TUSC3: variants seen among roughly 807,000 people sequenced by gnomAD.
TUSC3 encodes the protein tumor suppressor candidate 3.
Under a neutral mutation model 44.8 loss-of-function variants are expected in TUSC3, and 45 were observed. The ratio of observed to expected loss-of-function variants is 1.00; its 90% CI spans 0.79 to 1.29. The LOEUF is 1.29. Ranked by LOEUF, TUSC3 falls within the 50% of genes most tolerant of loss-of-function variation. The probability of loss-of-function intolerance (pLI) is 0.00; values close to 1 mark genes in which losing one functional copy is unlikely to be tolerated. For synonymous variants in TUSC3, 212 were observed against 152.9 expected, an observed-to-expected ratio of 1.39 and a Z score of -2.85; for missense variants, 519 against 437.9, an observed-to-expected ratio of 1.19 and a Z score of -1.65.
intron 1 of TUSC3, among the ~76,000 whole-genome samples, chr8:15,443,075 T>G (rs1800041563): frequency 6.6e-6 from 1 of 152,170 alleles, no homozygotes; most frequent in Non-Finnish European, 1.5e-5. Context: ...ATCTTCAGAG[T>G]TCAGCTCAGT....
chr8:15,813,580 GAATA>G, the TUSC3 span, among the ~76,000 whole-genome samples: 1 of 152,012 alleles, frequency 6.6e-6, no homozygotes, highest in African/African-American at 2.4e-5. Context: ...TTTTATTCTA[GAATA>G]AAAATGATAA....
chr8:15,819,270 C>T, the TUSC3 span, among the ~76,000 whole-genome samples: 1 of 152,188 alleles, frequency 6.6e-6, no homozygotes, highest in South Asian at 2.1e-4. Flanking sequence ...CCATTGTGCA[C>T]CATTTAACAT....
chr8:15,812,482 CTT>C, the TUSC3 span, among the ~76,000 whole-genome samples: 1,404 of 152,266 alleles, frequency 9.2e-3, 22 homozygotes, highest in African/African-American at 0.032. Flanking sequence ...TAGATATACA[CTT>C]GTTACTGCTG....
intron 2 of TUSC3, among the ~76,000 whole-genome samples, chr8:15,640,475 A>G (rs186706569): frequency 1.1e-3 from 172 of 152,340 alleles, no homozygotes; most frequent in Non-Finnish European, 2.1e-3. Context: ...GACGCCCAAC[A>G]CACAACCTTT....
intron 5 of TUSC3, among the ~76,000 whole-genome samples, chr8:15,668,294 T>G (rs75502895): frequency 0.074 from 11,256 of 151,790 alleles, 542 homozygotes; most frequent in East Asian, 0.17. Flanking sequence ...TGGCTGGGAC[T>G]AGTACATTTT....
At chr8:15,651,107 C>G in intron 3 of TUSC3, 1 of 321,852 alleles carries the variant, frequency 3.1e-6, no homozygotes, top group East Asian at 7.3e-5. Context: ...TATGGCTAAA[C>G]TTATTTTTAT....
At chr8:15,751,638 AT>A (rs1401188589) in intron 9 of TUSC3, among the ~76,000 whole-genome samples, 1 of 151,896 alleles carries the variant, frequency 6.6e-6, no homozygotes, top group Non-Finnish European at 1.5e-5. Context: ...ATGTAAATTA[AT>A]TGTCTGTTTC....
intron 1 of TUSC3, among the ~76,000 whole-genome samples, chr8:15,568,280 A>G (rs1802748939): frequency 6.6e-6 from 1 of 152,198 alleles, no homozygotes; most frequent in African/African-American, 2.4e-5. Context: ...AGATTTAAGC[A>G]CTAGCTCTGT....
intron 1 of TUSC3, among the ~76,000 whole-genome samples, chr8:15,455,002 G>A (rs1416131707): frequency 6.6e-6 from 1 of 152,128 alleles, no homozygotes; most frequent in African/African-American, 2.4e-5. Flanking sequence ...AGAAAACCAT[G>A]GGGAATCTTA....
rs182255567 is a variant in TUSC3, at chr8:15,483,748, C to T, written n.189+265C>T. ...TCGGCTCACTGCAAACTCCGCCTCC[C>T]GAGTTCATGCCATTCTCCTGCCTCA... On this transcript the variant is annotated intron_variant and non_coding_transcript_variant, in intron 2 of 5. Coordinates refer to the TUSC3 transcript ENST00000503191. Among the ~76,000 whole-genome samples, 471 of 149,832 alleles carry T rather than the reference C, an allele frequency of 3.1e-3. 1 individual carries two copies. The highest frequency in any genetic ancestry group is 0.011 in the African/African-American group (429 of 40,532).
At chr8:15,565,017 G>T (rs1802611696) in intron 1 of TUSC3, among the ~76,000 whole-genome samples, 1 of 152,122 alleles carries the variant, frequency 6.6e-6, no homozygotes, top group Admixed American at 6.6e-5. Context: ...TTGTATTGTT[G>T]CTGTAACAAA....
chr8:15,714,018 C>T (rs570670027), intron 6 of TUSC3, among the ~76,000 whole-genome samples: 38 of 152,236 alleles, frequency 2.5e-4, no homozygotes, highest in African/African-American at 5.5e-4. Context: ...AGTGAAAGTG[C>T]GCCTTGAAGG....
In TUSC3 at chr8:15,573,198, CTCTCTATATA is replaced by C. The variant is rs1357564902; in HGVS notation, c.138+32632_138+32641del. Among the ~76,000 whole-genome samples, 514 of 101,506 alleles carry C rather than the reference CTCTCTATATA, an allele frequency of 5.1e-3. 1 individual carries two copies. Among genetic ancestry groups the C allele is most frequent in the Admixed American group, 8.1e-3 (77 of 9,486 alleles). The allele number at this position is 101,506 out of a possible 152,430, so 66.6% of individuals were successfully genotyped here. A position where few individuals can be genotyped will look rare whatever the true frequency, so the allele number is the denominator to read the frequency against. On this transcript the variant is annotated intron_variant, in intron 1 of 10. Transcript: ENST00000503731. The stretch of plus-strand genomic sequence containing the variant: ...TCTCTCTCTCTCTCTCTCTCTCTCT[CTCTCTATATA>C]TATATATATATATATATATATAAAA...
At chr8:15,771,866 A>G in the TUSC3 span, among the ~76,000 whole-genome samples, 1 of 152,144 alleles carries the variant, frequency 6.6e-6, no homozygotes, top group Admixed American at 6.5e-5. Context: ...AGACAGGCGG[A>G]TCACAAGGTC....
chr8:15,555,164 G>A lies in TUSC3; in HGVS notation c.138+14596G>A, dbSNP rs1267283171. On this transcript the variant is annotated intron_variant, in intron 1 of 10. Coordinates refer to ENST00000503731, the MANE Select transcript of TUSC3 (RefSeq NM_006765.4). ...CTTTTTTTTTTTTTTTTTTTTTTTG[G>A]GGGGGACGAGATCTTACTCTGTTGT... Among the ~76,000 whole-genome samples the A allele has an allele frequency of 1.3e-4, 14 of 110,054 alleles. 1 individual carries two copies. The highest frequency in any genetic ancestry group is 2.1e-4 in the Non-Finnish European group (11 of 53,434). The allele number at this position is 110,054 out of a possible 152,430, so 72.2% of individuals were successfully genotyped here.
chr8:15,646,430 T>G (rs1189192264), intron 2 of TUSC3, among the ~76,000 whole-genome samples: 2 of 152,098 alleles, frequency 1.3e-5, no homozygotes, highest in Admixed American at 1.3e-4. Flanking sequence ...ATCTACAAAT[T>G]GGTTATTGGG....
chr8:15,838,999 G>A, the TUSC3 span, among the ~76,000 whole-genome samples: 1 of 152,136 alleles, frequency 6.6e-6, no homozygotes, highest in Non-Finnish European at 1.5e-5. Flanking sequence ...AACATGGAAT[G>A]TTCTTCCACT....
chr8:15,817,001 A>G, the TUSC3 span, among the ~76,000 whole-genome samples: 32 of 152,238 alleles, frequency 2.1e-4, no homozygotes, highest in Admixed American at 4.6e-4. Flanking sequence ...TGAAGGCCAG[A>G]AACTGAAGTT....
chr8:15,600,602 G>C (rs907373620), intron 1 of TUSC3, among the ~76,000 whole-genome samples: 3 of 151,598 alleles, frequency 2.0e-5, no homozygotes, highest in African/African-American at 7.3e-5. Flanking sequence ...AATTGGATGG[G>C]AGATAGGGGA....
Sources: gnomAD v4.1 joint callset for allele counts (sites outside exome capture counted in the v4.1 genomes callset) on GRCh38, gnomAD v4.1.1 for gene constraint, MANE v1.5 for transcripts, NCBI Gene and HGNC (gene_info 2026-07-23, HGNC 2026-07-21) for gene names.